Variants in USP12 observed in about 807,000 individuals in gnomAD.
The protein encoded by USP12 is ubiquitin specific peptidase 12.
A neutral mutation model predicts 45.5 loss-of-function variants in USP12; 19 were observed. That is an observed-to-expected ratio of 0.42 (90% CI 0.29 to 0.61). The LOEUF (loss-of-function observed/expected upper bound fraction) is 0.61, where lower values mean the gene tolerates loss of function less well. Ranked by LOEUF, USP12 falls within the 20% of genes least tolerant of loss-of-function variation. USP12 has a pLI of 0.22. For synonymous variants in USP12, 149 were observed against 148.8 expected, an observed-to-expected ratio of 1.00 and a Z score of -0.01; for missense variants, 242 against 447.7, an observed-to-expected ratio of 0.54 and a Z score of 4.15.
intron 4 of USP12, among the ~76,000 whole-genome samples, chr13:27,090,372 G>A: frequency 6.6e-6 from 1 of 152,072 alleles, no homozygotes; most frequent in Non-Finnish European, 1.5e-5. Context: ...GTACACTTTT[G>A]ACTGACTCTC....
intron 6 of USP12, among the ~76,000 whole-genome samples, chr13:27,089,274 G>A (rs1039347296): frequency 9.9e-5 from 15 of 152,180 alleles, no homozygotes; most frequent in Admixed American, 6.5e-4. Context: ...GCACACATAG[G>A]AAAACGTCCC....
intron 6 of USP12, among the ~76,000 whole-genome samples, chr13:27,087,078 G>A (rs1874078966): frequency 6.6e-6 from 1 of 152,018 alleles, no homozygotes; most frequent in African/African-American, 2.4e-5. Context: ...AGAGGGGGAA[G>A]TCAAAGCAGA....
chr13:27,149,625 G>T (rs73159781), intron 1 of USP12, among the ~76,000 whole-genome samples: 3 of 152,128 alleles, frequency 2.0e-5, no homozygotes, highest in Admixed American at 2.0e-4. Flanking sequence ...CTGCAGATGT[G>T]GGGGGTGGGA....
chr13:27,067,962 CA>C lies in USP12; in HGVS notation c.*1320del, dbSNP rs1378666185. On this transcript the variant is annotated 3_prime_UTR_variant, in exon 9 of 9. Coordinates refer to ENST00000282344, the MANE Select transcript of USP12 (RefSeq NM_182488.4). ...AACCCCCAACAGAATGAAGTCTTAG[CA>C]AACACAGATTTTAATTTCTGAACAC... 38 of 152,112 alleles carry C rather than the reference CA, an allele frequency of 2.5e-4. No individual in the cohort carries two copies. The highest frequency in any genetic ancestry group is 8.9e-4 in the African/African-American group (37 of 41,420). The allele number at this position is 152,112 out of a possible 1,614,324, so 9.4% of individuals were successfully genotyped here.
At chr13:27,086,837 G>A (rs1874068498) in intron 6 of USP12, among the ~76,000 whole-genome samples, 3 of 152,166 alleles carry the variant, frequency 2.0e-5, no homozygotes, top group African/African-American at 7.2e-5. Flanking sequence ...CTATCCCTCT[G>A]ACTAAACTTC....
intron 1 of USP12, among the ~76,000 whole-genome samples, chr13:27,140,233 G>A (rs1213892385): frequency 1.3e-5 from 2 of 152,188 alleles, no homozygotes; most frequent in Non-Finnish European, 2.9e-5. Flanking sequence ...TGTAGTGACT[G>A]GAGGGAGCGA....
At chr13:27,149,728 C>T (rs1045246565) in intron 1 of USP12, among the ~76,000 whole-genome samples, 3 of 152,188 alleles carry the variant, frequency 2.0e-5, no homozygotes, top group Admixed American at 6.5e-5. Flanking sequence ...CCAACCTTTT[C>T]GGCATCAGGA....
At chr13:27,076,077 A>T (rs1406189064) in intron 6 of USP12, among the ~76,000 whole-genome samples, 1 of 151,816 alleles carries the variant, frequency 6.6e-6, no homozygotes, top group East Asian at 1.9e-4. Context: ...AGTTTCTTGA[A>T]ACTGACAATT....
chr13:27,112,797 G>A (rs1336260036), intron 2 of USP12, among the ~76,000 whole-genome samples: 1 of 152,102 alleles, frequency 6.6e-6, no homozygotes, highest in Non-Finnish European at 1.5e-5. Context: ...CATATGTTAA[G>A]AATAATGCTT....
chr13:27,161,186 G>A (rs556958088), intron 1 of USP12, among the ~76,000 whole-genome samples: 5 of 151,922 alleles, frequency 3.3e-5, no homozygotes, highest in Admixed American at 6.5e-5. Context: ...AAACAAACAG[G>A]GAACCTTTGC....
At chr13:27,077,015 C>T (rs1873519744) in intron 6 of USP12, among the ~76,000 whole-genome samples, 1 of 152,104 alleles carries the variant, frequency 6.6e-6, no homozygotes, top group Non-Finnish European at 1.5e-5. Context: ...TGAGAATAAT[C>T]TCCTATTAGA....
chr13:27,136,029 C>G (rs1022842828), intron 1 of USP12, among the ~76,000 whole-genome samples: 3 of 151,968 alleles, frequency 2.0e-5, no homozygotes, highest in African/African-American at 7.3e-5. Context: ...TTAAACAGAC[C>G]CCAATTTTCT....
At chr13:27,116,907 G>A (rs1400943261) in intron 1 of USP12, among the ~76,000 whole-genome samples, 1 of 152,120 alleles carries the variant, frequency 6.6e-6, no homozygotes, top group East Asian at 1.9e-4. Flanking sequence ...TACCACCTAG[G>A]TTTATGTAAG....
At chr13:27,070,527 C>T (rs575910255) in intron 8 of USP12, among the ~76,000 whole-genome samples, 80 of 149,002 alleles carry the variant, frequency 5.4e-4, no homozygotes, top group African/African-American at 1.9e-3. Flanking sequence ...AAAGCCAGGT[C>T]TGTTGTTGAA....
At chr13:27,126,516 G>C (rs1263960749) in intron 1 of USP12, among the ~76,000 whole-genome samples, 1 of 152,186 alleles carries the variant, frequency 6.6e-6, no homozygotes, top group Non-Finnish European at 1.5e-5. Flanking sequence ...TGAAAACCCT[G>C]AACTACAAAG....
At chr13:27,116,666 T>G in intron 1 of USP12, 70 bp from the exon 2 acceptor site, 1 of 1,449,524 alleles carries the variant, frequency 6.9e-7, no homozygotes, top group Non-Finnish European at 9.5e-7. Context: ...CTTCAGTCAA[T>G]GACAGGCCGC....
chr13:27,091,743 A>T (rs1874326330), intron 4 of USP12, among the ~76,000 whole-genome samples: 1 of 152,236 alleles, frequency 6.6e-6, no homozygotes, highest in African/African-American at 2.4e-5. Flanking sequence ...GGGAACACCC[A>T]CATTTAAAGA....
At chr13:27,098,528 C>G (rs1874706386) in intron 3 of USP12, among the ~76,000 whole-genome samples, 1 of 152,028 alleles carries the variant, frequency 6.6e-6, no homozygotes, top group East Asian at 1.9e-4. Context: ...ATCACTTTGG[C>G]AAAATAAAAA....
intron 7 of USP12, 55 bp downstream of exon 7, chr13:27,075,136 A>G (rs1873418246): frequency 6.4e-7 from 1 of 1,558,138 alleles, no homozygotes; most frequent in African/African-American, 1.4e-5. Flanking sequence ...TCTTGAATGT[A>G]CCCTGCTCTT....
Sources: allele counts gnomAD v4.1 joint callset (sites outside exome capture counted in the v4.1 genomes callset), GRCh38; gene constraint gnomAD v4.1.1; transcripts MANE v1.5; gene names NCBI Gene and HGNC (gene_info 2026-07-23, HGNC 2026-07-21).